Variants in GABRG3 observed in about 807,000 individuals in gnomAD.
GABRG3 encodes the protein gamma-aminobutyric acid receptor subunit gamma-3.
Under a neutral mutation model 48.8 loss-of-function variants are expected in GABRG3, and 25 were observed. The observed-to-expected ratio is 0.51, with a 90% CI of 0.37 to 0.72. GABRG3 has a LOEUF of 0.72. Ranked by LOEUF, GABRG3 falls within the 30% of genes least tolerant of loss-of-function variation. The pLI is 0.00. For synonymous variants in GABRG3, 227 were observed against 217.6 expected, an observed-to-expected ratio of 1.04 and a Z score of -0.38; for missense variants, 394 against 577.9, an observed-to-expected ratio of 0.68 and a Z score of 3.26.
chr15:27,128,485 A>G (rs1224578716), intron 3 of GABRG3, among the ~76,000 whole-genome samples: 3 of 152,222 alleles, frequency 2.0e-5, no homozygotes, highest in African/African-American at 7.2e-5. Context: ...CTTGAAGCCC[A>G]TAATCCTGAG....
At chr15:27,151,267 C>G (rs1297883249) in intron 3 of GABRG3, among the ~76,000 whole-genome samples, 1 of 152,146 alleles carries the variant, frequency 6.6e-6, no homozygotes, top group East Asian at 1.9e-4. Flanking sequence ...TAACTCCTGG[C>G]AACGACTAAT....
chr15:27,332,171 G>C (rs73363202), intron 5 of GABRG3, among the ~76,000 whole-genome samples: 3,755 of 152,240 alleles, frequency 0.025, 156 homozygotes, highest in African/African-American at 0.084. Flanking sequence ...GTTTCCACAT[G>C]ATGGGTGTCC....
chr15:27,388,100 G>GAA (rs1566817640), intron 5 of GABRG3, among the ~76,000 whole-genome samples: 5 of 61,106 alleles, frequency 8.2e-5, no homozygotes, highest in East Asian at 5.3e-4. Context: ...GGAGGAAAGG[G>GAA]AGGGAGGGAA....
chr15:27,512,410 A>G (rs1890917649), intron 6 of GABRG3, among the ~76,000 whole-genome samples: 1 of 152,090 alleles, frequency 6.6e-6, no homozygotes, highest in East Asian at 1.9e-4. Flanking sequence ...GGACAGAGTG[A>G]ATGTTTGTTG....
At chr15:27,155,161 G>C (rs556231081) in intron 3 of GABRG3, among the ~76,000 whole-genome samples, 5 of 152,182 alleles carry the variant, frequency 3.3e-5, no homozygotes, top group Non-Finnish European at 7.4e-5. Context: ...CCTCAATTCT[G>C]CTGCTGAATG....
intron 2 of GABRG3, among the ~76,000 whole-genome samples, chr15:27,006,232 C>T (rs1003807341): frequency 4.0e-5 from 6 of 151,692 alleles, no homozygotes; most frequent in African/African-American, 1.2e-4. Context: ...GACAGGGTCT[C>T]GCTTTGTCGT....
intron 3 of GABRG3, among the ~76,000 whole-genome samples, chr15:27,064,790 T>A (rs1397424162): frequency 5.3e-5 from 8 of 152,156 alleles, no homozygotes. Flanking sequence ...CTGCACACCA[T>A]CCCGTGTGTT....
At chr15:27,049,886 C>T (rs1035469031) in intron 3 of GABRG3, among the ~76,000 whole-genome samples, 8 of 152,132 alleles carry the variant, frequency 5.3e-5, no homozygotes, top group African/African-American at 1.7e-4. Flanking sequence ...CCTCCCTGGG[C>T]CTCTGTTTTT....
chr15:26,985,341 C>G (rs932863585), intron 2 of GABRG3, among the ~76,000 whole-genome samples: 7 of 152,180 alleles, frequency 4.6e-5, no homozygotes, highest in Non-Finnish European at 1.0e-4. Context: ...GGAATCCCTG[C>G]CCGTTCCTGG....
intron 3 of GABRG3, among the ~76,000 whole-genome samples, chr15:27,280,800 G>T (rs1439657996): frequency 6.6e-6 from 1 of 152,088 alleles, no homozygotes; most frequent in Non-Finnish European, 1.5e-5. Flanking sequence ...AATATCTTTT[G>T]TTGGTGATGG....
rs922586689 is a variant in GABRG3 at position 27,534,535 on chromosome 15, C to G, written c.*1654C>G. 6.6e-6 allele frequency: 1 copy of G among 152,226 alleles called. No individual in the cohort carries two copies. The allele number at this position is 152,226 out of a possible 1,614,324, so 9.4% of individuals were successfully genotyped here. A position where few individuals can be genotyped will look rare whatever the true frequency, so the allele number is the denominator to read the frequency against. ...AAACCAGAATCTCTGTGCTTCTCAT[C>G]TTTCTCACATAGAAAACTGAATTAA... On this transcript the variant is annotated 3_prime_UTR_variant, in exon 10 of 10. Coordinates refer to ENST00000615808, the MANE Select transcript of GABRG3 (RefSeq NM_033223.5).
chr15:27,024,362 C>G (rs1209316865), intron 2 of GABRG3, among the ~76,000 whole-genome samples: 2 of 152,060 alleles, frequency 1.3e-5, no homozygotes, highest in African/African-American at 4.8e-5. Context: ...GGTGTTATAT[C>G]CAAGAGATTG....
intron 5 of GABRG3, among the ~76,000 whole-genome samples, chr15:27,415,340 C>G (rs938777568): frequency 2.0e-5 from 3 of 152,154 alleles, no homozygotes; most frequent in African/African-American, 7.2e-5. Flanking sequence ...GAAGGCATTC[C>G]TCATGGCTCT....
chr15:27,360,171 G>C (rs1173859702), intron 5 of GABRG3, among the ~76,000 whole-genome samples: 1 of 152,148 alleles, frequency 6.6e-6, no homozygotes, highest in African/African-American at 2.4e-5. Flanking sequence ...CGGAGGACAG[G>C]GAAGCTTCTC....
chr15:27,296,268 TTC>T (rs2140489683), intron 3 of GABRG3, among the ~76,000 whole-genome samples: 1 of 152,332 alleles, frequency 6.6e-6, no homozygotes, highest in South Asian at 2.1e-4. Flanking sequence ...ACTTGCATAT[TTC>T]TTTTTCTTTT....
chr15:27,350,134 C>T (rs745785850), intron 5 of GABRG3: 1 of 456,054 alleles, frequency 2.2e-6, no homozygotes, highest in South Asian at 1.5e-5. Context: ...CAGCCACCAT[C>T]TTGGCCTTCA....
chr15:27,066,468 A>G (rs377687809), intron 3 of GABRG3, among the ~76,000 whole-genome samples: 1 of 152,234 alleles, frequency 6.6e-6, no homozygotes, highest in East Asian at 1.9e-4. Context: ...GCTTTCAATG[A>G]GATGCCAACA....
chr15:27,258,733 A>G (rs1890692168), intron 3 of GABRG3, among the ~76,000 whole-genome samples: 1 of 152,174 alleles, frequency 6.6e-6, no homozygotes, highest in South Asian at 2.1e-4. Context: ...AATATTTATC[A>G]TATCTTTGTA....
At chr15:27,312,447 A>G (rs553502643) in intron 3 of GABRG3, among the ~76,000 whole-genome samples, 38 of 152,256 alleles carry the variant, frequency 2.5e-4, no homozygotes, top group African/African-American at 9.1e-4. Context: ...AGGAAACCCA[A>G]ATGACAATAA....
Sources: gnomAD v4.1 joint callset for allele counts (sites outside exome capture counted in the v4.1 genomes callset) on GRCh38, gnomAD v4.1.1 for gene constraint, MANE v1.5 for transcripts, NCBI Gene and HGNC (gene_info 2026-07-23, HGNC 2026-07-21) for gene names.